The following ZDBF2 variants were observed in gnomAD, a reference collection of about 807,000 sequenced individuals.
ZDBF2 encodes zinc finger DBF-type containing 2, also known as DBF4-type zinc finger-containing protein 2.
In ZDBF2, 6 loss-of-function variants were observed where a neutral mutation model predicts 9.4. The ratio of observed to expected loss-of-function variants is 0.64; its 90% CI spans 0.35 to 1.27. ZDBF2 has a LOEUF of 1.27. ZDBF2 is among the 50% of genes most tolerant of loss of function. The pLI, the probability that ZDBF2 is intolerant of heterozygous loss-of-function variation, is 0.03. For missense variants in ZDBF2, 2,697 were observed against 2,766.8 expected (o/e 0.97, Z 0.57); for synonymous variants, 905 against 946.3 (o/e 0.96, Z 0.80).
intron 3 of ZDBF2, among the ~76,000 whole-genome samples, chr2:206,288,689 G>A (rs538428543): frequency 6.6e-6 from 1 of 152,242 alleles, no homozygotes; most frequent in South Asian, 2.1e-4. Flanking sequence ...GCCAGGACCT[G>A]TAACTTTTAG....
In ZDBF2 at chr2:206,297,316, T is replaced by C; in HGVS notation, c.131T>C (p.Met44Thr). The change falls in exon 4 of 5, where the codon ATG becomes ACG. Residue 44 changes from methionine to threonine, a missense_variant. Transcript: ENST00000374423. ...CGTCAAATATGTACCAGTAGTTTGA[T>C]GGAACGTTTCTTACAGGATGTACTG... ...SRRQICTSSL[M>T]ERFLQDVLQH... 6.2e-7 allele frequency: 1 copy of C among 1,613,590 alleles called. No homozygotes were observed. The highest frequency in any genetic ancestry group is 8.5e-7 in the Non-Finnish European group (1 of 1,179,546).
Position 206,310,486 on chromosome 2 carries a change from A to G in ZDBF2, c.5958A>G (p.Lys1986=), listed in dbSNP as rs1281008636. Residue 1986 remains lysine, a synonymous_variant, in exon 5 of 5, where the codon AAA becomes AAG. Transcript: ENST00000374423. ...ACAGAAAAACCAAAAAGAAAGTCAA[A>G]ATTGGGACAGTTGAATTTCCTGCAT... ...QDDRKTKKKV[K]IGTVEFPASC... 5 of 1,613,582 alleles carry G rather than the reference A, an allele frequency of 3.1e-6. No individual in the cohort carries two copies. In the South Asian group the frequency reaches 5.5e-5, roughly 18 times the overall value.
chr2:206,311,078 A>G lies in ZDBF2; in HGVS notation c.6550A>G (p.Ser2184Gly). 6.2e-7 allele frequency: 1 copy of G among 1,613,000 alleles called. No homozygotes were observed. Among genetic ancestry groups the G allele is most frequent in the Non-Finnish European group, 8.5e-7 (1 of 1,179,678 alleles). ...AATTCATGGAAAGAGGGTGACAACT[A>G]GTAGTAATAAGCTAGGTTTTCCCAA... Reference protein sequence around the residue: ...KKIHGKRVTTSSNKLGFPKKV... With the variant: ...KKIHGKRVTTGSNKLGFPKKV... Residue 2184 changes from serine (S) to glycine (G), a missense_variant, in exon 5 of 5, where the codon AGT (serine) becomes GGT (glycine). Physicochemically the swap from Ser to Gly is moderately conservative, Grantham distance 56 (BLOSUM62 0). Coordinates refer to ENST00000374423, the MANE Select transcript of ZDBF2 (RefSeq NM_020923.3).
At position 206,303,327 on chromosome 2, in the gene ZDBF2, T is replaced by C. The variant is rs191025312; in HGVS notation, c.189-1390T>C. Among the ~76,000 whole-genome samples, 521 of 152,154 alleles carry C rather than the reference T, an allele frequency of 3.4e-3. 14 individuals carry two copies. The highest frequency in any genetic ancestry group is 8.8e-4 in the Non-Finnish European group (60 of 67,980). On this transcript the variant is annotated intron_variant, in intron 4 of 4. Transcript: ENST00000374423. Reference sequence around the variant, plus strand: ...CTGCCTTCTGCAGCTACTTGAATGGTCTTTAAAAGGCAGCTTAACTTTTTT... The same window carrying C: ...CTGCCTTCTGCAGCTACTTGAATGGCCTTTAAAAGGCAGCTTAACTTTTTT...
Position 206,306,828 on chromosome 2 carries a change from T to G in ZDBF2, c.2300T>G (p.Leu767Arg), listed in dbSNP as rs1476015695. 1.9e-6 allele frequency: 3 copies of G among 1,613,916 alleles called. No individual in the cohort carries two copies. The highest frequency in any genetic ancestry group is 2.2e-5 in the East Asian group (1 of 44,882). The change falls in exon 5 of 5, where the codon CTG (leucine) becomes CGG (arginine). Residue 767 changes from leucine (L) to arginine (R), a missense_variant. Leu to Arg is a moderately radical substitution (Grantham distance 102, BLOSUM62 -2). Transcript: ENST00000374423. ...PLLSVTEQSH[L>R]DAEGKERHID... ...CTGTCAGTTACTGAGCAGTCTCATC[T>G]GGATGCTGAAGGAAAAGAACGGCAC... is the stretch of plus-strand genomic sequence containing the variant.
intron 3 of ZDBF2, among the ~76,000 whole-genome samples, chr2:206,287,948 A>G (rs1045759375): frequency 6.6e-6 from 1 of 151,940 alleles, no homozygotes; most frequent in African/African-American, 2.4e-5. Flanking sequence ...ATTTTTGTTC[A>G]TATTGTGAAT....
At chr2:206,304,615 G>A in intron 4 of ZDBF2, 102 bp from the exon 5 acceptor site, 1 of 1,386,956 alleles carries the variant, frequency 7.2e-7, no homozygotes, top group Non-Finnish European at 9.6e-7. Flanking sequence ...GTCCTTTAAG[G>A]ATAGTCCAGA....
At chr2:206,297,900 C>G (rs774441182) in intron 4 of ZDBF2, among the ~76,000 whole-genome samples, 1 of 152,106 alleles carries the variant, frequency 6.6e-6, no homozygotes, top group African/African-American at 2.4e-5. Context: ...AGGCTGGTCT[C>G]GAATTCCCGA....
At position 206,307,268 on chromosome 2, in the gene ZDBF2, T is replaced by C; in HGVS notation, c.2740T>C (p.Ser914Pro). Reference protein sequence around the residue: ...LENKENEPIDSEVSLDYNIIF... With the variant: ...LENKENEPIDPEVSLDYNIIF... Reference sequence around the variant, plus strand: ...AAATAAGGAAAATGAACCTATTGATTCTGAAGTAAGTTTGGATTATAATAT... The same window carrying C: ...AAATAAGGAAAATGAACCTATTGATCCTGAAGTAAGTTTGGATTATAATAT... Residue 914 changes from serine to proline, a missense_variant, in exon 5 of 5, where the codon TCT becomes CCT. This residue lies in a region of ZDBF2 where 1,783 missense variants were observed against 1,776.5 expected (regional missense o/e 1.00). Coordinates refer to ENST00000374423, the MANE Select transcript of ZDBF2 (RefSeq NM_020923.3). The C allele has an allele frequency of 6.2e-7, 1 of 1,607,420 alleles. No individual in the cohort carries two copies. Among genetic ancestry groups the C allele is most frequent in the Non-Finnish European group, 8.5e-7 (1 of 1,178,222 alleles).
chr2:206,309,773 A>C lies in ZDBF2; in HGVS notation c.5245A>C (p.Asn1749His), dbSNP rs1693050778. ...VSCEPDGFEM[N>H]FQCAPPLPSD... Reference sequence around the variant, plus strand: ...CTGTGAACCGGATGGTTTTGAGATGAATTTTCAGTGTGCTCCCCCTCTTCC... The same window carrying C: ...CTGTGAACCGGATGGTTTTGAGATGCATTTTCAGTGTGCTCCCCCTCTTCC... Residue 1749 changes from asparagine to histidine, a missense_variant, in exon 5 of 5, where the codon AAT (asparagine) becomes CAT (histidine). By Grantham distance (68) the Asn-to-His change is moderately conservative. Around this residue, in one of 3 missense-constraint regions of ZDBF2, gnomAD observed 1,783 missense variants for 1,776.5 expected, o/e 1.00. Coordinates refer to ENST00000374423, the MANE Select transcript of ZDBF2 (RefSeq NM_020923.3). 8.1e-6 allele frequency: 13 copies of C among 1,613,818 alleles called. No homozygotes were observed. Among genetic ancestry groups the C allele is most frequent in the Non-Finnish European group, 1.1e-5 (13 of 1,179,872 alleles).
intron 4 of ZDBF2, among the ~76,000 whole-genome samples, chr2:206,304,106 C>A (rs775233876): frequency 1.8e-4 from 27 of 152,158 alleles, no homozygotes; most frequent in Non-Finnish European, 3.2e-4. Context: ...TTTTAATAGA[C>A]ATTGCCAAAT....
chr2:206,294,462 A>G (rs1480142048), intron 3 of ZDBF2, among the ~76,000 whole-genome samples: 1 of 152,174 alleles, frequency 6.6e-6, no homozygotes, highest in African/African-American at 2.4e-5. Flanking sequence ...AGAGAGGACA[A>G]GGTTGGATTT....
At position 206,308,126 on chromosome 2, in the gene ZDBF2, A is replaced by T; in HGVS notation, c.3598A>T (p.Ser1200Cys). Residue 1200 changes from serine to cysteine, a missense_variant, in exon 5 of 5, where the codon AGT (serine) becomes TGT (cysteine). Physicochemically the swap from Ser to Cys is moderately radical, Grantham distance 112. Around this residue, in one of 3 missense-constraint regions of ZDBF2, gnomAD observed 1,783 missense variants for 1,776.5 expected, o/e 1.00. Transcript: ENST00000374423. ...CAATCAATGTTGTGGTTCTGAAGTA[A>T]GTTTTGATTCTGATGACCCTCTTCA... ...KHNQCCGSEV[S>C]FDSDDPLQSV... 1 of 1,613,984 alleles carries T rather than the reference A, an allele frequency of 6.2e-7. No individual in the cohort carries two copies. The highest frequency in any genetic ancestry group is 8.5e-7 in the Non-Finnish European group (1 of 1,179,846).
chr2:206,295,018 A>C (rs1692094832), intron 3 of ZDBF2, among the ~76,000 whole-genome samples: 1 of 152,108 alleles, frequency 6.6e-6, no homozygotes, highest in South Asian at 2.1e-4. Flanking sequence ...AAGCATCATA[A>C]TTTAGATTGT....
chr2:206,299,654 A>G (rs1334646130), intron 4 of ZDBF2, among the ~76,000 whole-genome samples: 1 of 151,944 alleles, frequency 6.6e-6, no homozygotes, highest in Non-Finnish European at 1.5e-5. Flanking sequence ...TTAAAAAACC[A>G]CAGTACAATG....
chr2:206,290,195 C>T (rs1691815592), intron 3 of ZDBF2, among the ~76,000 whole-genome samples: 1 of 152,116 alleles, frequency 6.6e-6, no homozygotes, highest in African/African-American at 2.4e-5. Flanking sequence ...CTTTCAGTTC[C>T]ATTTTATTTA....
rs756882005 is a variant in ZDBF2, at chr2:206,304,817, G to A, written c.289G>A (p.Val97Ile). The A allele has an allele frequency of 1.1e-5, 17 of 1,613,730 alleles. No individual in the cohort carries two copies. In the East Asian group the frequency reaches 3.8e-4, roughly 36 times the overall value. Residue 97 changes from valine to isoleucine, a missense_variant, in exon 5 of 5, where the codon GTT becomes ATT. This residue lies in a region of ZDBF2 where 910 missense variants were observed against 973.6 expected (regional missense o/e 0.93). Transcript: ENST00000374423. ...SEEEEEDEDK[V>I]EDEDATEERP... ...AGAAGAGGAAGAGGATGAGGATAAG[G>A]TTGAGGATGAGGATGCTACCGAAGA...
At chr2:206,277,610 C>G (rs991902184) in intron 1 of ZDBF2, among the ~76,000 whole-genome samples, 1 of 151,542 alleles carries the variant, frequency 6.6e-6, no homozygotes, top group Non-Finnish European at 1.5e-5. Flanking sequence ...TAATTCTGCT[C>G]TCAGATTTGA....
chr2:206,306,451 G>A lies in ZDBF2; in HGVS notation c.1923G>A (p.Arg641=), dbSNP rs185512298. ...GGACAGTTGCAGATGAATCCCAGAGGGCTGTTGAAAAGATAAATCTTCTGA... is the reference window on the plus strand; with the variant it reads ...GGACAGTTGCAGATGAATCCCAGAGAGCTGTTGAAAAGATAAATCTTCTGA... The part of the protein sequence containing the change: ...SLGTVADESQ[R]AVEKINLLKE... Residue 641 remains arginine (R), a synonymous_variant, in exon 5 of 5, where the codon AGG becomes AGA. Transcript: ENST00000374423. 6.0e-4 allele frequency: 966 copies of A among 1,613,762 alleles called. 1 individual carries two copies. Among genetic ancestry groups the A allele is most frequent in the Non-Finnish European group, 7.9e-4 (928 of 1,179,794 alleles).
Sources: gnomAD v4.1 joint callset for allele counts (sites outside exome capture counted in the v4.1 genomes callset) on GRCh38, gnomAD v4.1.1 for gene constraint, gnomAD v4.1.1 regional missense constraint, MANE v1.5 for transcripts, NCBI Gene and HGNC (gene_info 2026-07-23, HGNC 2026-07-21) for gene names.